The following GALNTL6 variants were observed in gnomAD, a reference collection of about 807,000 sequenced individuals.
The protein encoded by GALNTL6 is polypeptide N-acetylgalactosaminyltransferase-like 6.
In GALNTL6, 46 loss-of-function variants were observed where a neutral mutation model predicts 73.7. That is an observed-to-expected ratio of 0.62 (90% CI 0.49 to 0.80). The LOEUF is 0.80. GALNTL6 is among the 30% of genes least tolerant of loss of function. The probability of loss-of-function intolerance (pLI) is 0.00; values close to 1 mark genes in which losing one functional copy is unlikely to be tolerated. For synonymous variants in GALNTL6, 259 were observed against 263.7 expected (o/e 0.98, Z 0.17); for missense variants, 604 against 755.0 (o/e 0.80, Z 2.34).
intron 11 of GALNTL6, among the ~76,000 whole-genome samples, chr4:173,020,742 G>A (rs953371221): frequency 2.0e-5 from 3 of 152,158 alleles, no homozygotes; most frequent in Non-Finnish European, 4.4e-5. Context: ...ATTTGTTCCA[G>A]TAACATTTTA....
At chr4:172,369,093 C>G (rs1034084242) in intron 5 of GALNTL6, among the ~76,000 whole-genome samples, 23 of 152,292 alleles carry the variant, frequency 1.5e-4, no homozygotes, top group Middle Eastern at 3.4e-3. Flanking sequence ...GTGCCCCCCC[C>G]CACATCCTGC....
chr4:171,826,906 C>T (rs1056193110), intron 2 of GALNTL6, among the ~76,000 whole-genome samples: 1 of 152,038 alleles, frequency 6.6e-6, no homozygotes, highest in African/African-American at 2.4e-5. Flanking sequence ...AACACCCATA[C>T]CACGTACATT....
intron 5 of GALNTL6, among the ~76,000 whole-genome samples, chr4:172,747,857 G>A (rs28767047): frequency 0.37 from 52,805 of 143,792 alleles, 10,502 homozygotes; most frequent in Middle Eastern, 0.52. Flanking sequence ...AAAAGCCACA[G>A]GAAAATACAT....
At chr4:171,905,094 C>G (rs1265739423) in intron 2 of GALNTL6, among the ~76,000 whole-genome samples, 1 of 152,070 alleles carries the variant, frequency 6.6e-6, no homozygotes, top group Admixed American at 6.6e-5. Context: ...AACTAATGAG[C>G]AAAATAACCA....
chr4:172,771,923 T>A (rs930475983), intron 5 of GALNTL6, among the ~76,000 whole-genome samples: 10 of 152,202 alleles, frequency 6.6e-5, no homozygotes, highest in African/African-American at 2.4e-4. Flanking sequence ...TGTATTAGTC[T>A]GTTTTCATGC....
chr4:172,717,377 C>T (rs931013740), intron 5 of GALNTL6, among the ~76,000 whole-genome samples: 1 of 152,136 alleles, frequency 6.6e-6, no homozygotes, highest in South Asian at 2.1e-4. Context: ...TAAACGGGAC[C>T]AAAAGCTATT....
In GALNTL6 at chr4:171,933,132, G is replaced by A. The variant is rs906782338; in HGVS notation, c.138+118414G>A. Among the ~76,000 whole-genome samples, 6 of 152,126 alleles carry A rather than the reference G, an allele frequency of 3.9e-5. No homozygotes were observed. In the East Asian group the frequency reaches 7.7e-4, roughly 19 times the overall value. On this transcript the variant is annotated intron_variant, in intron 2 of 12. Coordinates refer to ENST00000506823, the MANE Select transcript of GALNTL6 (RefSeq NM_001034845.3). ...TTGAGTGATAAAGGTGGAAAATTGC[G>A]TATGTACAGTAGGAAAAAATCTTCA...
intron 10 of GALNTL6, among the ~76,000 whole-genome samples, chr4:172,973,034 A>T (rs1318435441): frequency 6.6e-6 from 1 of 152,224 alleles, no homozygotes; most frequent in Non-Finnish European, 1.5e-5. Context: ...ATGTCCAAAG[A>T]GCTCTGTAGT....
chr4:171,931,091 A>G (rs1181708955), intron 2 of GALNTL6, among the ~76,000 whole-genome samples: 2 of 152,198 alleles, frequency 1.3e-5, no homozygotes, highest in African/African-American at 2.4e-5. Context: ...TTGAATTCCT[A>G]GTAGATTCAT....
intron 2 of GALNTL6, among the ~76,000 whole-genome samples, chr4:171,935,738 T>C (rs1738323092): frequency 6.6e-6 from 1 of 152,154 alleles, no homozygotes; most frequent in Non-Finnish European, 1.5e-5. Context: ...GGAGAGCAAA[T>C]ATAAGTAAAA....
intron 5 of GALNTL6, among the ~76,000 whole-genome samples, chr4:172,481,101 C>T (rs927884693): frequency 6.6e-6 from 1 of 152,156 alleles, no homozygotes; most frequent in African/African-American, 2.4e-5. Flanking sequence ...GAGTTTGTTA[C>T]TTCTGATGTT....
At chr4:172,051,130 CAG>C (rs1730846103) in intron 2 of GALNTL6, among the ~76,000 whole-genome samples, 1 of 152,046 alleles carries the variant, frequency 6.6e-6, no homozygotes, top group African/African-American at 2.4e-5. Context: ...GGATGTGTGA[CAG>C]GGGTGTGGCT....
intron 2 of GALNTL6, among the ~76,000 whole-genome samples, chr4:172,156,046 T>G (rs1395210840): frequency 6.6e-6 from 1 of 151,706 alleles, no homozygotes; most frequent in African/African-American, 2.4e-5. Flanking sequence ...GGAGGCGGTG[T>G]GGAGCTACAG....
At chr4:172,652,931 T>C (rs1174166418) in intron 5 of GALNTL6, among the ~76,000 whole-genome samples, 2 of 152,166 alleles carry the variant, frequency 1.3e-5, no homozygotes, top group Admixed American at 6.5e-5. Context: ...CTGTTTTAGT[T>C]GCTACGATTT....
At chr4:172,074,901 G>A (rs78418391) in intron 2 of GALNTL6, among the ~76,000 whole-genome samples, 2,740 of 152,220 alleles carry the variant, frequency 0.018, 74 homozygotes, top group African/African-American at 0.059. Context: ...ATATGCTAAA[G>A]ATTCTAACTT....
chr4:172,442,996 T>G (rs2111404548), intron 5 of GALNTL6, among the ~76,000 whole-genome samples: 1 of 151,306 alleles, frequency 6.6e-6, no homozygotes, highest in Non-Finnish European at 1.5e-5. Flanking sequence ...CTAACTTATT[T>G]ATTTACCTTT....
Position 172,961,147 on chromosome 4 carries a change from G to A in GALNTL6, c.1371+8889G>A, listed in dbSNP as rs2653834. ...GGGGGTTCTTGCCCACCAGAAAAGC[G>A]GAGAAGGGGTAGAGACACAGAGAGA... On this transcript the variant is annotated intron_variant, in intron 10 of 12. Transcript: ENST00000506823. Among the ~76,000 whole-genome samples, 83 of 92,784 alleles carry A rather than the reference G, an allele frequency of 8.9e-4. 1 individual carries two copies. The South Asian group carries it at 0.014, about 16-fold the overall frequency. The allele number at this position is 92,784 out of a possible 152,430, so 60.9% of individuals were successfully genotyped here. A position where few individuals can be genotyped will look rare whatever the true frequency, so the allele number is the denominator to read the frequency against.
At chr4:172,931,125 T>C in intron 8 of GALNTL6, 36 bp from the exon 9 acceptor site, 1 of 1,104,852 alleles carries the variant, frequency 9.1e-7, no homozygotes, top group Non-Finnish European at 1.4e-6. Context: ...TGTGTGAAAT[T>C]CACTGTTGTC....
chr4:172,558,898 G>A (rs1736239649), intron 5 of GALNTL6, among the ~76,000 whole-genome samples: 1 of 151,990 alleles, frequency 6.6e-6, no homozygotes, highest in South Asian at 2.1e-4. Context: ...AAAACCCTGG[G>A]ATGGAAATGC....
Sources: gnomAD v4.1 joint callset for allele counts (sites outside exome capture counted in the v4.1 genomes callset) on GRCh38, gnomAD v4.1.1 for gene constraint, MANE v1.5 for transcripts, NCBI Gene and HGNC (gene_info 2026-07-23, HGNC 2026-07-21) for gene names.